The following TRHDE variants were observed in gnomAD, a reference collection of about 807,000 sequenced individuals.
The protein encoded by TRHDE is thyrotropin-releasing hormone-degrading ectoenzyme.
A neutral mutation model predicts 125.7 loss-of-function variants in TRHDE; 72 were observed. That is an observed-to-expected ratio of 0.57 (90% CI 0.47 to 0.70). The LOEUF is 0.70. Ranked by LOEUF, TRHDE falls within the 30% of genes least tolerant of loss-of-function variation. TRHDE has a pLI of 0.00. For missense variants in TRHDE, 1,110 were observed against 1,327.1 expected (o/e 0.84, Z 2.54); for synonymous variants, 509 against 509.1 (o/e 1.00, Z 0.00).
chr12:72,574,728 T>C (rs1338176516), intron 10 of TRHDE, among the ~76,000 whole-genome samples: 1 of 152,098 alleles, frequency 6.6e-6, no homozygotes, highest in Non-Finnish European at 1.5e-5. Flanking sequence ...ACAAGTAAGA[T>C]TTATTTTACT....
intron 7 of TRHDE, among the ~76,000 whole-genome samples, chr12:72,552,721 G>A (rs1869735848): frequency 6.6e-6 from 1 of 152,132 alleles, no homozygotes; most frequent in Non-Finnish European, 1.5e-5. Context: ...AGAGTGAATG[G>A]GAATGTGGAA....
At chr12:72,474,381 T>C (rs992969260) in intron 5 of TRHDE, among the ~76,000 whole-genome samples, 5 of 152,168 alleles carry the variant, frequency 3.3e-5, no homozygotes, top group African/African-American at 1.2e-4. Flanking sequence ...CTAGGACTTA[T>C]TCATCTTGCA....
At position 72,144,799 on chromosome 12, in the gene TRHDE, A is replaced by C. The variant is rs978208893; in HGVS notation, n.279+39047A>C. 2.0e-5 allele frequency among the ~76,000 whole-genome samples: 3 copies of C among 152,154 alleles called. No homozygotes were observed. The South Asian group carries it at 6.2e-4, about 32-fold the overall frequency. On this transcript the variant is annotated intron_variant and non_coding_transcript_variant, in intron 2 of 4. Coordinates refer to the TRHDE transcript ENST00000548156. Reference sequence around the variant, plus strand: ...CTCAGAATAACAATGCTATTCTGTGAGTGGGCACTGGGGATATGTAGTAGT... The same window carrying C: ...CTCAGAATAACAATGCTATTCTGTGCGTGGGCACTGGGGATATGTAGTAGT...
At position 72,302,342 on chromosome 12, in the gene TRHDE, C is replaced by T. The variant is rs79950103; in HGVS notation, c.1188+15388C>T. ...TGATTAAAGGTGGGGTGGAGGAAAA[C>T]GACATACAACTTGAAAGATGGAAAA... is the stretch of plus-strand genomic sequence containing the variant. On this transcript the variant is annotated intron_variant, in intron 2 of 18. Coordinates refer to ENST00000261180, the MANE Select transcript of TRHDE (RefSeq NM_013381.3). 1.6e-3 allele frequency among the ~76,000 whole-genome samples: 238 copies of T among 151,682 alleles called. 3 individuals are homozygous for T. Among genetic ancestry groups the T allele is most frequent in the Non-Finnish European group, 9.6e-4 (65 of 67,914 alleles).
chr12:72,355,357 A>G (rs1870767664), intron 2 of TRHDE, among the ~76,000 whole-genome samples: 1 of 151,578 alleles, frequency 6.6e-6, no homozygotes, highest in Non-Finnish European at 1.5e-5. Context: ...TAGACTTACC[A>G]TGCATACCTT....
intron 3 of TRHDE, among the ~76,000 whole-genome samples, chr12:72,459,557 T>C (rs555284643): frequency 2.0e-5 from 3 of 152,288 alleles, no homozygotes; most frequent in South Asian, 4.1e-4. Context: ...GCAGAAGTCA[T>C]GAAACTCTTG....
chr12:72,542,845 T>A (rs566839104), intron 7 of TRHDE, among the ~76,000 whole-genome samples: 1 of 151,356 alleles, frequency 6.6e-6, no homozygotes, highest in South Asian at 2.1e-4. Flanking sequence ...TTAGAAAATA[T>A]GTTTTTCTTA....
chr12:72,507,940 A>T (rs960188380), intron 6 of TRHDE, among the ~76,000 whole-genome samples: 3 of 152,196 alleles, frequency 2.0e-5, no homozygotes, highest in African/African-American at 7.2e-5. Flanking sequence ...AAAGGGGCCA[A>T]GGTATAGCTT....
intron 7 of TRHDE, among the ~76,000 whole-genome samples, chr12:72,552,879 C>T (rs181622548): frequency 1.6e-4 from 25 of 152,216 alleles, no homozygotes; most frequent in Admixed American, 3.3e-4. Flanking sequence ...TGGTTTTAAG[C>T]TGGCAGAGAA....
chr12:72,428,620 T>A (rs1422688525), intron 3 of TRHDE, among the ~76,000 whole-genome samples: 1 of 152,130 alleles, frequency 6.6e-6, no homozygotes, highest in Non-Finnish European at 1.5e-5. Context: ...TTAAAATATA[T>A]GTAAAATTCA....
intron 18 of TRHDE, among the ~76,000 whole-genome samples, chr12:72,661,241 T>C (rs1440933574): frequency 5.9e-5 from 9 of 152,154 alleles, no homozygotes; most frequent in Admixed American, 5.9e-4. Flanking sequence ...TTCAAACCCA[T>C]AGTTTGCCTT....
At chr12:72,362,744 G>T (rs1363919734) in intron 2 of TRHDE, among the ~76,000 whole-genome samples, 5 of 151,992 alleles carry the variant, frequency 3.3e-5, no homozygotes, top group African/African-American at 1.2e-4. Context: ...TTTTGTATAA[G>T]GTGTAAGGAA....
chr12:72,358,194 AC>A (rs1433524379), intron 2 of TRHDE, among the ~76,000 whole-genome samples: 1 of 151,476 alleles, frequency 6.6e-6, no homozygotes, highest in African/African-American at 2.4e-5. Context: ...ATAGCAGAAT[AC>A]AGTTGACTCT....
At chr12:72,203,454 C>T (rs981144948) in intron 2 of TRHDE, among the ~76,000 whole-genome samples, 2 of 151,406 alleles carry the variant, frequency 1.3e-5, no homozygotes, top group Admixed American at 6.6e-5. Context: ...GGCGACAGAG[C>T]GAGACTCTGT....
chr12:72,497,114 T>C (rs1443549355), intron 5 of TRHDE, among the ~76,000 whole-genome samples: 1 of 152,108 alleles, frequency 6.6e-6, no homozygotes, highest in Admixed American at 6.6e-5. Flanking sequence ...ACAATATCGT[T>C]CTCTCCAACA....
chr12:72,371,098 C>A (rs747361392), intron 2 of TRHDE, among the ~76,000 whole-genome samples: 2 of 152,016 alleles, frequency 1.3e-5, no homozygotes, highest in Non-Finnish European at 2.9e-5. Flanking sequence ...CCTTTACGGT[C>A]ACTTATTATT....
Position 72,575,376 on chromosome 12 carries a change from C to T in TRHDE, c.2253C>T (p.Ile751=). The change falls in exon 11 of 19, where the codon ATC becomes ATT. Residue 751 remains isoleucine, a synonymous_variant. Transcript: ENST00000261180. The part of the protein sequence containing the change: ...RNWRLLIDQL[I]RNHEVLSVSN... ...GGAGATTATTAATTGATCAATTAAT[C>T]CGGAATCATGAGGTACACTCCAGAT... The T allele has an allele frequency of 2.5e-6, 4 of 1,613,516 alleles. No individual in the cohort carries two copies. Among genetic ancestry groups the T allele is most frequent in the Non-Finnish European group, 3.4e-6 (4 of 1,179,666 alleles).
rs1043540919 is a variant in TRHDE at position 72,240,386 on chromosome 12, A to G, written n.279+134634A>G. On this transcript the variant is annotated intron_variant and non_coding_transcript_variant, in intron 2 of 4. Transcript: ENST00000548156. ...ATATTTGAATATATATGTAAATCAAATGACATTATATTGTACATTCTGTTT... is the reference window on the plus strand; with the variant it reads ...ATATTTGAATATATATGTAAATCAAGTGACATTATATTGTACATTCTGTTT... Among the ~76,000 whole-genome samples the G allele has an allele frequency of 2.7e-5, 4 of 149,958 alleles. No individual in the cohort carries two copies. The Admixed American group carries it at 2.7e-4, about 10-fold the overall frequency.
chr12:72,526,153 T>G (rs1868334438), intron 6 of TRHDE, among the ~76,000 whole-genome samples: 1 of 152,160 alleles, frequency 6.6e-6, no homozygotes, highest in African/African-American at 2.4e-5. Context: ...TATAACCTTT[T>G]TCAGCACATA....
Sources: allele counts gnomAD v4.1 joint callset (sites outside exome capture counted in the v4.1 genomes callset), GRCh38; gene constraint gnomAD v4.1.1; transcripts MANE v1.5; gene names NCBI Gene and HGNC (gene_info 2026-07-23, HGNC 2026-07-21).